LNX2: variants seen among roughly 807,000 people sequenced by gnomAD.
The protein encoded by LNX2 is ligand of Numb protein X 2.
A neutral mutation model predicts 66.2 loss-of-function variants in LNX2; 35 were observed. The observed-to-expected ratio is 0.53, with a 90% CI of 0.40 to 0.70. The LOEUF (loss-of-function observed/expected upper bound fraction) is 0.70. Ranked by LOEUF, LNX2 falls within the 30% of genes least tolerant of loss-of-function variation. The pLI, the probability that LNX2 is intolerant of heterozygous loss-of-function variation, is 0.00. For missense variants in LNX2, 791 were observed against 850.8 expected, an observed-to-expected ratio of 0.93 and a Z score of 0.87; for synonymous variants, 337 against 315.6, an observed-to-expected ratio of 1.07 and a Z score of -0.72.
At chr13:27,550,254 T>C (rs1954989787) in intron 9 of LNX2, 79 bp downstream of exon 9, 1 of 1,269,564 alleles carries the variant, frequency 7.9e-7, no homozygotes, top group Non-Finnish European at 1.1e-6. Context: ...CTGGATTTAG[T>C]GCTGACCCCT....
At chr13:27,618,500 T>TC (rs143984221) in intron 1 of LNX2, among the ~76,000 whole-genome samples, 12,931 of 152,148 alleles carry the variant, frequency 0.085, 754 homozygotes, top group Non-Finnish European at 0.12. Flanking sequence ...CCCACCATCC[T>TC]CCAGACGCTG....
chr13:27,574,368 C>T (rs780467230), intron 2 of LNX2, among the ~76,000 whole-genome samples: 1 of 152,048 alleles, frequency 6.6e-6, no homozygotes, highest in African/African-American at 2.4e-5. Context: ...GCTGAAATTG[C>T]GCCATTGCAC....
chr13:27,599,544 C>T (rs1255857587), intron 1 of LNX2, among the ~76,000 whole-genome samples: 1 of 152,038 alleles, frequency 6.6e-6, no homozygotes, highest in Admixed American at 6.6e-5. Context: ...AATTCATTTA[C>T]GTTACAGACA....
At chr13:27,560,421 G>C (rs1173010516) in intron 5 of LNX2, among the ~76,000 whole-genome samples, 1 of 151,910 alleles carries the variant, frequency 6.6e-6, no homozygotes, top group Admixed American at 6.6e-5. Flanking sequence ...TTTCCATGGT[G>C]GCTACTTCAG....
intron 9 of LNX2, 28 bp from the exon 10 acceptor site, chr13:27,548,498 G>A (rs910942025): frequency 1.9e-6 from 3 of 1,591,876 alleles, no homozygotes; most frequent in Non-Finnish European, 2.6e-6. Context: ...GATACAGAAT[G>A]TTACTATTTT....
chr13:27,564,549 G>A (rs1176297447), intron 4 of LNX2, among the ~76,000 whole-genome samples: 2 of 151,912 alleles, frequency 1.3e-5, no homozygotes, highest in African/African-American at 4.8e-5. Context: ...GCTCAAAGAG[G>A]CTGCATATGA....
intron 1 of LNX2, among the ~76,000 whole-genome samples, chr13:27,588,021 C>CAAAAAAAAAAAAAAAAAAAAA (rs56812051): frequency 5.3e-5 from 5 of 93,514 alleles, no homozygotes; most frequent in African/African-American, 1.9e-4. Flanking sequence ...ACTCTTGTCA[C>CAAAAAAAAAAAAAAAAAAAAA]AAAAAAAAAA....
chr13:27,587,909 T>C (rs565100856), intron 1 of LNX2, among the ~76,000 whole-genome samples: 1 of 151,810 alleles, frequency 6.6e-6, no homozygotes, highest in Non-Finnish European at 1.5e-5. Context: ...TAGTCCCAGC[T>C]TCTCAGGAGG....
chr13:27,598,883 G>C (rs1955627154), intron 1 of LNX2, among the ~76,000 whole-genome samples: 1 of 152,096 alleles, frequency 6.6e-6, no homozygotes, highest in Non-Finnish European at 1.5e-5. Context: ...GATCCAAGGG[G>C]AAGTTACCCT....
At chr13:27,615,790 T>C (rs781452355) in intron 1 of LNX2, among the ~76,000 whole-genome samples, 4 of 152,198 alleles carry the variant, frequency 2.6e-5, no homozygotes, top group Non-Finnish European at 5.9e-5. Flanking sequence ...TATATTCCTA[T>C]AAGAACAGGG....
At chr13:27,619,501 G>T (rs1249775082) in intron 1 of LNX2, among the ~76,000 whole-genome samples, 1 of 152,178 alleles carries the variant, frequency 6.6e-6, no homozygotes, top group Non-Finnish European at 1.5e-5. Context: ...ATTCTTAAAG[G>T]CAGTTCCAAT....
Position 27,550,413 on chromosome 13 carries a change from A to G in LNX2, c.1857T>C (p.Tyr619=), listed in dbSNP as rs2138308655. The G allele has an allele frequency of 1.2e-6, 2 of 1,613,954 alleles. No homozygotes were observed. Among genetic ancestry groups the G allele is most frequent in the South Asian group, 1.1e-5 (1 of 91,078 alleles). Residue 619 remains tyrosine (Y), a synonymous_variant, in exon 9 of 10, where the codon TAT becomes TAC. Transcript: ENST00000316334. ...AAGGCTGATTGGTGTGGTTCTCTTCATATCCACCAACGATACTAAAGCCCC... is the reference window on the plus strand; with the variant it reads ...AAGGCTGATTGGTGTGGTTCTCTTCGTATCCACCAACGATACTAAAGCCCC... ...GSWGFSIVGG[Y]EENHTNQPFF...
chr13:27,587,418 C>T (rs555132422), intron 1 of LNX2, among the ~76,000 whole-genome samples: 120 of 152,164 alleles, frequency 7.9e-4, no homozygotes, highest in African/African-American at 2.7e-3. Flanking sequence ...CTTTTGTATT[C>T]CCACTTCTTA....
intron 2 of LNX2, among the ~76,000 whole-genome samples, chr13:27,571,133 T>C (rs1002399541): frequency 6.6e-6 from 1 of 152,196 alleles, no homozygotes; most frequent in African/African-American, 2.4e-5. Context: ...ATTGAACCTT[T>C]GGGAAAACCC....
intron 7 of LNX2, among the ~76,000 whole-genome samples, chr13:27,555,000 G>A (rs1955041224): frequency 6.6e-6 from 1 of 152,144 alleles, no homozygotes; most frequent in Non-Finnish European, 1.5e-5. Flanking sequence ...TGCTAGGCTG[G>A]AGTACAGTGG....
At chr13:27,561,139 T>C (rs1169853874) in intron 5 of LNX2, among the ~76,000 whole-genome samples, 19 of 152,220 alleles carry the variant, frequency 1.2e-4, no homozygotes, top group Non-Finnish European at 1.5e-5. Flanking sequence ...ATATAAAATA[T>C]GATCACGGAC....
At chr13:27,575,254 TATA>T (rs1399891959) in intron 2 of LNX2, among the ~76,000 whole-genome samples, 3 of 152,216 alleles carry the variant, frequency 2.0e-5, no homozygotes, top group Non-Finnish European at 2.9e-5. Context: ...ATACAACTTG[TATA>T]ATAATAATAG....
chr13:27,585,746 C>T (rs1307304263), intron 1 of LNX2, among the ~76,000 whole-genome samples: 1 of 151,708 alleles, frequency 6.6e-6, no homozygotes, highest in East Asian at 1.9e-4. Context: ...TTATTTTTTA[C>T]CCCTCTTTGT....
intron 1 of LNX2, among the ~76,000 whole-genome samples, chr13:27,591,027 C>CAT (rs1385350022): frequency 6.6e-6 from 1 of 151,860 alleles, no homozygotes; most frequent in African/African-American, 2.4e-5. Flanking sequence ...CACACATATA[C>CAT]ATATATACCA....
Sources: allele counts gnomAD v4.1 joint callset (sites outside exome capture counted in the v4.1 genomes callset), GRCh38; gene constraint gnomAD v4.1.1; transcripts MANE v1.5; gene names NCBI Gene and HGNC (gene_info 2026-07-23, HGNC 2026-07-21).